CLN8: variants seen among roughly 807,000 people sequenced by gnomAD.
The protein encoded by CLN8 is CLN8 transmembrane ER and ERGIC protein, also known as protein CLN8.
CLN8 carries 14 observed loss-of-function variants against 15.7 expected under a neutral mutation model. The observed-to-expected ratio is 0.89, with a 90% CI of 0.59 to 1.39. The LOEUF (loss-of-function observed/expected upper bound fraction) is 1.39. Among genes scored for constraint, CLN8 ranks in the 40% most tolerant of loss-of-function variants. The pLI, the probability that CLN8 is intolerant of heterozygous loss-of-function variation, is 0.00. For synonymous variants in CLN8, 188 were observed against 151.0 expected, an observed-to-expected ratio of 1.25 and a Z score of -1.80; for missense variants, 415 against 364.0, an observed-to-expected ratio of 1.14 and a Z score of -1.14.
At chr8:1,753,588 A>G (rs1475154694), upstream of CLN8, among the ~76,000 whole-genome samples, 1 of 139,600 alleles carries the variant, frequency 7.2e-6, no homozygotes, top group Non-Finnish European at 1.5e-5. Context: ...AAAAAAAAGA[A>G]AGAAAAAGAA....
At chr8:1,773,956 T>C (rs945321732) in intron 2 of CLN8, 1 of 152,248 alleles carries the variant, frequency 6.6e-6, no homozygotes, top group Non-Finnish European at 1.5e-5. Flanking sequence ...CTTGAGGTCA[T>C]TAGTGTATTT....
chr8:1,769,115 G>A (rs1055937387), intron 1 of CLN8, among the ~76,000 whole-genome samples: 27 of 152,206 alleles, frequency 1.8e-4, no homozygotes, highest in Admixed American at 1.6e-3. Context: ...AACAGAGCTA[G>A]TCTGTGTTAA....
chr8:1,783,600 C>G lies in CLN8; in HGVS notation c.*3033C>G, dbSNP rs1011996314. On this transcript the variant is annotated 3_prime_UTR_variant, in exon 3 of 3. Coordinates refer to ENST00000331222, the MANE Select transcript of CLN8 (RefSeq NM_018941.4). Reference sequence around the variant, plus strand: ...ACTGAAGACCAAGGGTTGGTGCAGCCTCCTCGCCGCGCTGCGGGGGCTGGG... The same window carrying G: ...ACTGAAGACCAAGGGTTGGTGCAGCGTCCTCGCCGCGCTGCGGGGGCTGGG... 2 of 151,476 alleles carry G rather than the reference C, an allele frequency of 1.3e-5. No homozygotes were observed. Among genetic ancestry groups the G allele is most frequent in the African/African-American group, 2.4e-5 (1 of 41,226 alleles). 9.4% of individuals were successfully genotyped at this position (151,476 alleles called of 1,614,324 possible). A position where few individuals can be genotyped will look rare whatever the true frequency, so the allele number is the denominator to read the frequency against.
upstream of CLN8, among the ~76,000 whole-genome samples, chr8:1,754,864 A>G (rs1228829488): frequency 6.6e-6 from 1 of 152,202 alleles, no homozygotes; most frequent in Non-Finnish European, 1.5e-5. Context: ...CCCTGGGGTC[A>G]AACAGGCCAT....
upstream of CLN8, among the ~76,000 whole-genome samples, chr8:1,755,263 G>C (rs1212370962): frequency 6.6e-6 from 1 of 152,184 alleles, no homozygotes; most frequent in Non-Finnish European, 1.5e-5. Flanking sequence ...AACTAACAGA[G>C]AGGTTAGTCT....
intron 1 of CLN8, among the ~76,000 whole-genome samples, chr8:1,757,493 T>A (rs144253639): frequency 0.013 from 1,921 of 152,272 alleles, 38 homozygotes; most frequent in African/African-American, 0.043. Context: ...TAGGCTGGAG[T>A]GCAGTGGCAC....
rs1451405252 is a variant in CLN8, at chr8:1,784,515, G to A, written c.*3948G>A. The A allele has an allele frequency of 6.6e-6, 1 of 152,220 alleles. No homozygotes were observed. The highest frequency in any genetic ancestry group is 1.9e-4 in the East Asian group (1 of 5,194). 9.4% of individuals were successfully genotyped at this position (152,220 alleles called of 1,614,324 possible). A position where few individuals can be genotyped will look rare whatever the true frequency, so the allele number is the denominator to read the frequency against. On this transcript the variant is annotated 3_prime_UTR_variant, in exon 3 of 3. Transcript: ENST00000331222. ...ATACCACCGCAATGACAATTACAAT[G>A]TCATGTGAATTCTGGAGGGGACACG...
intron 2 of CLN8, chr8:1,772,796 A>G (rs1191489237): frequency 1.3e-5 from 5 of 389,888 alleles, no homozygotes; most frequent in Non-Finnish European, 2.3e-5. Context: ...TTGTTTTTAC[A>G]TAGATTCTTG....
rs1801278049 is a variant in CLN8, at chr8:1,771,074, G to C, written c.20G>C (p.Gly7Ala). 9 of 1,613,914 alleles carry C rather than the reference G, an allele frequency of 5.6e-6. No homozygotes were observed. Among genetic ancestry groups the C allele is most frequent in the Non-Finnish European group, 7.6e-6 (9 of 1,180,030 alleles). Residue 7 changes from glycine to alanine, a missense_variant, in exon 2 of 3, where the codon GGG becomes GCG. Physicochemically the swap from Gly to Ala is moderately conservative, Grantham distance 60 (BLOSUM62 0). Transcript: ENST00000331222. ...TGGACAATGAATCCTGCGAGCGATG[G>C]GGGCACATCAGAGAGCATTTTTGAC... is the stretch of plus-strand genomic sequence containing the variant. MNPASD[G>A]GTSESIFDLD...
upstream of CLN8, chr8:1,763,754 GAACGCGCGT>G (rs1800914155): frequency 6.8e-6 from 1 of 147,648 alleles, no homozygotes. Flanking sequence ...ACGCGCGTGC[GAACGCGCGT>G]GCGCGGGCGG....
intron 2 of CLN8, chr8:1,773,855 C>G (rs1401517586): frequency 6.6e-6 from 1 of 152,248 alleles, no homozygotes; most frequent in Non-Finnish European, 1.5e-5. Flanking sequence ...GAGGCGCTCA[C>G]TCACATCGAT....
Position 1,771,343 on chromosome 8 carries a change from CG to C in CLN8, c.290del (p.Arg97LeufsTer30). ...CCCTGTGCTGCATGCCGACAAGGCGCGTGGCCAGCAGAACTGGTGCTGGTTT... is the reference window on the plus strand; with the variant it reads ...CCCTGTGCTGCATGCCGACAAGGCGCTGGCCAGCAGAACTGGTGCTGGTTT... The part of the protein sequence containing the change: ...GDPVLHADKA[R>X]GQQNWCWFHI... On this transcript the variant is annotated frameshift_variant, in exon 2 of 3. Transcript: ENST00000331222. LOFTEE classifies it high-confidence loss of function. The C allele has an allele frequency of 6.2e-7, 1 of 1,614,198 alleles. No homozygotes were observed. Among genetic ancestry groups the C allele is most frequent in the Middle Eastern group, 1.6e-4 (1 of 6,062 alleles).
upstream of CLN8, among the ~76,000 whole-genome samples, chr8:1,755,368 C>G (rs1228550532): frequency 1.3e-5 from 2 of 152,170 alleles, no homozygotes; most frequent in African/African-American, 4.8e-5. Context: ...TCCCCTCGCT[C>G]TTCCCATCCT....
At chr8:1,765,221 C>G (rs972857859) in intron 1 of CLN8, 2 of 152,172 alleles carry the variant, frequency 1.3e-5, no homozygotes, top group Non-Finnish European at 2.9e-5. Flanking sequence ...GGTAGGACAC[C>G]GGGTAGGTAA....
Position 1,780,916 on chromosome 8 carries a change from AG to A in CLN8, c.*352del, listed in dbSNP as rs1190379342. On this transcript the variant is annotated 3_prime_UTR_variant, in exon 3 of 3. Transcript: ENST00000331222. ...GGCTTCATAGTGAAGTGCCTCCCAC[AG>A]GGCGGGTGGGTCAGCGTTGACTCTT... 7.9e-6 allele frequency: 3 copies of A among 379,290 alleles called. No individual in the cohort carries two copies. The highest frequency in any genetic ancestry group is 6.1e-5 in the African/African-American group (3 of 49,098). 23.5% of individuals were successfully genotyped at this position (379,290 alleles called of 1,614,324 possible).
At chr8:1,762,559 A>T (rs1800826064), upstream of CLN8, 1 of 152,246 alleles carries the variant, frequency 6.6e-6, no homozygotes, top group Non-Finnish European at 1.5e-5. Flanking sequence ...CAAGGCTTCA[A>T]CAAACCTAAA....
chr8:1,757,776 G>T (rs1377043977), intron 1 of CLN8, among the ~76,000 whole-genome samples: 1 of 152,144 alleles, frequency 6.6e-6, no homozygotes, highest in Non-Finnish European at 1.5e-5. Context: ...AAGGCTGGTT[G>T]TTATGCCAAT....
intron 1 of CLN8, among the ~76,000 whole-genome samples, chr8:1,765,558 C>G (rs1215495217): frequency 6.6e-6 from 1 of 152,162 alleles, no homozygotes; most frequent in Admixed American, 6.6e-5. Context: ...AAGTATAATT[C>G]TCATGTAAAT....
intron 1 of CLN8, among the ~76,000 whole-genome samples, chr8:1,757,874 C>A (rs949772310): frequency 2.2e-4 from 34 of 152,058 alleles, no homozygotes; most frequent in African/African-American, 8.2e-4. Context: ...CAGGAAGAAC[C>A]CTGCCAAATG....
Sources: gnomAD v4.1 joint callset for allele counts (sites outside exome capture counted in the v4.1 genomes callset) on GRCh38, gnomAD v4.1.1 for gene constraint, MANE v1.5 for transcripts, NCBI Gene and HGNC (gene_info 2026-07-23, HGNC 2026-07-21) for gene names.